Variants in WDR1 observed in about 807,000 individuals in gnomAD.
The protein encoded by WDR1 is WD repeat-containing protein 1.
WDR1 carries 21 observed loss-of-function variants against 71.9 expected under a neutral mutation model. The observed-to-expected ratio is 0.29, with a 90% CI of 0.21 to 0.42. The LOEUF is 0.42. WDR1 is among the 10% of genes least tolerant of loss of function. WDR1 has a pLI of 1.00. For missense variants in WDR1, 696 were observed against 824.5 expected, an observed-to-expected ratio of 0.84 and a Z score of 1.91; for synonymous variants, 424 against 347.4, an observed-to-expected ratio of 1.22 and a Z score of -2.45.
intron 1 of WDR1, 125 bp from the exon 2 acceptor site, chr4:10,116,359 C>T (rs753776852): frequency 2.3e-5 from 32 of 1,406,548 alleles, no homozygotes; most frequent in Non-Finnish European, 3.0e-5. Context: ...GGGCGGCCTC[C>T]ACTTTCCACG....
intron 5 of WDR1, among the ~76,000 whole-genome samples, chr4:10,097,275 A>G (rs1218669738): frequency 1.3e-5 from 2 of 152,258 alleles, no homozygotes; most frequent in African/African-American, 4.8e-5. Flanking sequence ...GTCACTTTGC[A>G]GGCGCATCAC....
chr4:10,103,613 T>C (rs2109688623), intron 3 of WDR1, among the ~76,000 whole-genome samples: 1 of 152,158 alleles, frequency 6.6e-6, no homozygotes, highest in African/African-American at 2.4e-5. Context: ...AAACCTCACG[T>C]TTTAAAAAGT....
chr4:10,082,508 C>T (rs1431512248), intron 10 of WDR1, among the ~76,000 whole-genome samples: 1 of 152,210 alleles, frequency 6.6e-6, no homozygotes, highest in Non-Finnish European at 1.5e-5. Flanking sequence ...TTGCAAACTG[C>T]TACTCTCCTA....
intron 11 of WDR1, among the ~76,000 whole-genome samples, 200 bp downstream of exon 11, chr4:10,081,157 T>G (rs1764999849): frequency 1.3e-5 from 2 of 152,228 alleles, no homozygotes; most frequent in African/African-American, 4.8e-5. Context: ...ATTTATCCAT[T>G]CCGTGCCTCC....
At chr4:10,089,017 AG>A (rs967054203) in intron 5 of WDR1, among the ~76,000 whole-genome samples, 6 of 151,882 alleles carry the variant, frequency 4.0e-5, no homozygotes, top group African/African-American at 7.3e-5. Context: ...TGCCCCCCCC[AG>A]TGAGGTGCCC....
rs538850699 is a variant in WDR1, at chr4:10,084,627, G to A, written c.952-97C>T. 49 of 1,155,030 alleles carry A rather than the reference G, an allele frequency of 4.2e-5. No individual in the cohort carries two copies. The African/African-American group carries it at 6.9e-4, about 16-fold the overall frequency. 71.5% of individuals were successfully genotyped at this position (1,155,030 alleles called of 1,614,324 possible). A position where few individuals can be genotyped will look rare whatever the true frequency, so the allele number is the denominator to read the frequency against. ...AACGAAGCTTCTGGGTAATGGAGGG[G>A]GCAGACGCCCCTCAATCCATGGCAG... On this transcript the variant is annotated intron_variant, in intron 8 of 14. Transcript: ENST00000499869.
At chr4:10,091,893 T>A (rs1560536172) in intron 5 of WDR1, 1 of 152,580 alleles carries the variant, frequency 6.6e-6, no homozygotes, top group Non-Finnish European at 1.5e-5. Context: ...GTGAAGGCAG[T>A]GGTGGGAGGG....
At chr4:10,082,570 G>A (rs1274328673) in intron 10 of WDR1, among the ~76,000 whole-genome samples, 1 of 152,044 alleles carries the variant, frequency 6.6e-6, no homozygotes, top group Non-Finnish European at 1.5e-5. Context: ...ACAAGACATT[G>A]TCTTTTAACC....
chr4:10,113,036 A>G, intron 2 of WDR1, among the ~76,000 whole-genome samples: 1 of 152,186 alleles, frequency 6.6e-6, no homozygotes, highest in East Asian at 1.9e-4. Context: ...ACACCCCTCT[A>G]CTAAGGTGAC....
intron 3 of WDR1, among the ~76,000 whole-genome samples, chr4:10,102,566 C>T (rs770102315): frequency 2.0e-5 from 3 of 152,146 alleles, no homozygotes; most frequent in Non-Finnish European, 2.9e-5. Context: ...TGCTGTGCAA[C>T]GGCCCCTGCT....
chr4:10,107,864 G>A (rs1363977068), intron 2 of WDR1, among the ~76,000 whole-genome samples: 2 of 152,274 alleles, frequency 1.3e-5, no homozygotes, highest in East Asian at 3.9e-4. Flanking sequence ...TGCCAACACA[G>A]GGCCTGGTTC....
rs773491243 is a variant in WDR1, at chr4:10,087,779, G to A, written c.879C>T (p.Leu293=). The part of the protein sequence containing the change: ...LGCLWQKDHL[L]SVSLSGYINY... ...TGATGTACCCGGACAGGGAGACACT[G>A]AGCAGGTGGTCCTTCTGCCATAGGC... Residue 293 remains leucine, a synonymous_variant, in exon 8 of 15, where the codon CTC becomes CTT. Coordinates refer to ENST00000499869, the MANE Select transcript of WDR1 (RefSeq NM_017491.5). 7 of 1,600,774 alleles carry A rather than the reference G, an allele frequency of 4.4e-6. No individual in the cohort carries two copies. Among genetic ancestry groups the A allele is most frequent in the South Asian group, 3.4e-5 (3 of 88,726 alleles).
intron 2 of WDR1, among the ~76,000 whole-genome samples, chr4:10,113,298 T>C (rs1377809414): frequency 1.3e-5 from 2 of 151,850 alleles, no homozygotes; most frequent in Non-Finnish European, 2.9e-5. Context: ...CAGGTGGAGG[T>C]TGCAGTGACC....
In WDR1 at chr4:10,081,340, C is replaced by T. The variant is rs1765006148; in HGVS notation, c.1284+17G>A. The T allele has an allele frequency of 6.2e-7, 1 of 1,612,918 alleles. No individual in the cohort carries two copies. The highest frequency in any genetic ancestry group is 1.7e-5 in the Admixed American group (1 of 59,988). Reference sequence around the variant, plus strand: ...ACAGCTGCAGGCTCCCACCCAAACACTAAGCCAGGTCCCTACCTGTCCAAT... The same window carrying T: ...ACAGCTGCAGGCTCCCACCCAAACATTAAGCCAGGTCCCTACCTGTCCAAT... On this transcript the variant is annotated intron_variant, in intron 11 of 14. Transcript: ENST00000499869.
Position 10,083,091 on chromosome 4 carries a change from G to A in WDR1, c.1127C>T (p.Ser376Leu), listed in dbSNP as rs562185890. ...NQVSRMTVDE[S>L]GQLISCSMDD... ...CATGCTGCAGCTGATGAGCTGCCCC[G>A]ACTCATCCACGGTCATCCTGGACAC... The change falls in exon 10 of 15, where the codon TCG becomes TTG. Residue 376 changes from serine to leucine, a missense_variant. Transcript: ENST00000499869. 1.1e-5 allele frequency: 17 copies of A among 1,613,878 alleles called. No homozygotes were observed. Among genetic ancestry groups the A allele is most frequent in the African/African-American group, 8.0e-5 (6 of 75,018 alleles).
chr4:10,097,015 T>A (rs1268162567), intron 5 of WDR1, among the ~76,000 whole-genome samples: 1 of 152,212 alleles, frequency 6.6e-6, no homozygotes, highest in Non-Finnish European at 1.5e-5. Context: ...AAAATGGGCA[T>A]CACAGATGCT....
intron 8 of WDR1, among the ~76,000 whole-genome samples, chr4:10,087,402 C>T (rs1361966159): frequency 6.6e-6 from 1 of 152,270 alleles, no homozygotes; most frequent in African/African-American, 2.4e-5. Context: ...CAGAGCCCTG[C>T]AGGAAGTAAC....
intron 1 of WDR1, 28 bp downstream of exon 1, chr4:10,116,623 C>T (rs1339545014): frequency 2.1e-5 from 26 of 1,226,244 alleles, no homozygotes; most frequent in Non-Finnish European, 2.3e-5. Flanking sequence ...GCGGCGGCCG[C>T]TCGGGGGCCC....
At chr4:10,115,826 G>C (rs538241221) in intron 2 of WDR1, 1 of 372,066 alleles carries the variant, frequency 2.7e-6, no homozygotes, top group African/African-American at 2.1e-5. Flanking sequence ...AGGCCTGACC[G>C]TGCTTAGCTT....
Sources: gnomAD v4.1 joint callset for allele counts (sites outside exome capture counted in the v4.1 genomes callset) on GRCh38, gnomAD v4.1.1 for gene constraint, MANE v1.5 for transcripts, NCBI Gene and HGNC (gene_info 2026-07-23, HGNC 2026-07-21) for gene names.